Variants in TACR1 observed in about 807,000 individuals in gnomAD.
TACR1 encodes tachykinin receptor 1, also known as substance-P receptor.
A neutral mutation model predicts 35.8 loss-of-function variants in TACR1; 25 were observed. The observed-to-expected ratio is 0.70, with a 90% CI of 0.51 to 0.98. TACR1 has a LOEUF of 0.98. Ranked by LOEUF, TACR1 falls within the 50% of genes least tolerant of loss-of-function variation. TACR1 has a pLI of 0.00. For missense variants in TACR1, 478 were observed against 522.9 expected (o/e 0.91, Z 0.84); for synonymous variants, 195 against 206.7 (o/e 0.94, Z 0.48).
At chr2:75,186,795 T>G (rs1675715592) in intron 1 of TACR1, 1 of 152,216 alleles carries the variant, frequency 6.6e-6, no homozygotes, top group Non-Finnish European at 1.5e-5. Context: ...TATACAGCAG[T>G]TTTTGTTTTC....
At chr2:75,083,661 C>T (rs1287409784) in intron 2 of TACR1, among the ~76,000 whole-genome samples, 2 of 152,092 alleles carry the variant, frequency 1.3e-5, no homozygotes, top group African/African-American at 4.8e-5. Flanking sequence ...AAGTTGGATT[C>T]CTAGGTATTT....
intron 2 of TACR1, among the ~76,000 whole-genome samples, chr2:75,087,452 A>G (rs1673210815): frequency 6.6e-6 from 1 of 152,260 alleles, no homozygotes; most frequent in Non-Finnish European, 1.5e-5. Context: ...CACCATTAAT[A>G]GATGGTTGCA....
intron 2 of TACR1, among the ~76,000 whole-genome samples, chr2:75,059,752 C>A (rs764811429): frequency 6.6e-6 from 1 of 152,210 alleles, no homozygotes; most frequent in Non-Finnish European, 1.5e-5. Flanking sequence ...TTCCCCAGAG[C>A]CCCCTTTGCA....
At chr2:75,050,938 T>C in intron 4 of TACR1, 1 of 388,090 alleles carries the variant, frequency 2.6e-6, no homozygotes, top group South Asian at 2.4e-5. Context: ...AGACCTGCCT[T>C]ACATGCATTA....
At chr2:75,185,396 T>C (rs1343673510) in intron 1 of TACR1, among the ~76,000 whole-genome samples, 3 of 151,968 alleles carry the variant, frequency 2.0e-5, no homozygotes, top group Admixed American at 6.6e-5. Flanking sequence ...TAAAATAATA[T>C]AAAATAATCA....
intron 1 of TACR1, among the ~76,000 whole-genome samples, chr2:75,123,035 C>T (rs572366449): frequency 1.4e-4 from 21 of 152,328 alleles, no homozygotes; most frequent in African/African-American, 4.8e-4. Context: ...ACATGTGGGC[C>T]TGTTCAACCA....
At chr2:75,089,792 T>C (rs1244910704) in intron 2 of TACR1, among the ~76,000 whole-genome samples, 2 of 152,088 alleles carry the variant, frequency 1.3e-5, no homozygotes, top group African/African-American at 4.8e-5. Flanking sequence ...TGAAGGGGAA[T>C]CTGGGCTTGA....
chr2:75,165,556 C>T (rs761530488), intron 1 of TACR1, among the ~76,000 whole-genome samples: 3 of 152,030 alleles, frequency 2.0e-5, no homozygotes, highest in Non-Finnish European at 4.4e-5. Flanking sequence ...GATGCCCCTG[C>T]CTCAGCCTCC....
rs117789570 is a variant in TACR1 at position 75,068,649 on chromosome 2, A to G, written c.585-14894T>C. On this transcript the variant is annotated intron_variant, in intron 2 of 4. Coordinates refer to ENST00000305249, the MANE Select transcript of TACR1 (RefSeq NM_001058.4). Reference sequence around the variant, plus strand: ...AACCTCATTCAGTTCTCCCAACAGCAATCTCTGTGTTACAGATAGTAAAAC... The same window carrying G: ...AACCTCATTCAGTTCTCCCAACAGCGATCTCTGTGTTACAGATAGTAAAAC... 6.8e-3 allele frequency among the ~76,000 whole-genome samples: 1,031 copies of G among 152,332 alleles called. 35 individuals carry two copies. In the East Asian group the frequency reaches 0.077, roughly 11 times the overall value.
chr2:75,136,273 A>G (rs541501425), intron 1 of TACR1, among the ~76,000 whole-genome samples: 1 of 152,320 alleles, frequency 6.6e-6, no homozygotes, highest in East Asian at 1.9e-4. Context: ...TAAGAAGTCC[A>G]AGGGGCTTGA....
At chr2:75,088,685 C>T (rs879820384) in intron 2 of TACR1, among the ~76,000 whole-genome samples, 16 of 152,066 alleles carry the variant, frequency 1.1e-4, no homozygotes, top group Non-Finnish European at 1.9e-4. Context: ...GTGGAGGAGA[C>T]CCCTGTGCTT....
At chr2:75,104,953 C>T (rs1282490752) in intron 2 of TACR1, among the ~76,000 whole-genome samples, 1 of 152,008 alleles carries the variant, frequency 6.6e-6, no homozygotes, top group Non-Finnish European at 1.5e-5. Flanking sequence ...TAAAATATTA[C>T]AGCCATTGTG....
chr2:75,110,347 CTT>C (rs1386711572), intron 2 of TACR1, among the ~76,000 whole-genome samples: 1 of 151,368 alleles, frequency 6.6e-6, no homozygotes, highest in African/African-American at 2.4e-5. Flanking sequence ...AAAAATTTCA[CTT>C]TACTTAATTT....
At chr2:75,165,660 G>A (rs1182572157) in intron 1 of TACR1, among the ~76,000 whole-genome samples, 1 of 152,134 alleles carries the variant, frequency 6.6e-6, no homozygotes, top group East Asian at 1.9e-4. Context: ...AGTCTGGGAG[G>A]GGCCTTTGAC....
intron 2 of TACR1, among the ~76,000 whole-genome samples, chr2:75,073,453 A>T (rs1672919562): frequency 6.6e-6 from 1 of 152,218 alleles, no homozygotes; most frequent in Admixed American, 6.5e-5. Context: ...TGGCAAGGGG[A>T]CCATACATGA....
At chr2:75,133,576 A>G (rs1572948859) in intron 1 of TACR1, among the ~76,000 whole-genome samples, 1 of 152,336 alleles carries the variant, frequency 6.6e-6, no homozygotes, top group Non-Finnish European at 1.5e-5. Context: ...TAAGTAACTC[A>G]TCCACCAAGT....
intron 4 of TACR1, among the ~76,000 whole-genome samples, chr2:75,050,626 C>T (rs1171554968): frequency 6.6e-6 from 1 of 152,244 alleles, no homozygotes; most frequent in Non-Finnish European, 1.5e-5. Flanking sequence ...ACATTGGCTT[C>T]TGCCATCTGC....
intron 1 of TACR1, among the ~76,000 whole-genome samples, chr2:75,169,415 G>A (rs1675222768): frequency 6.6e-6 from 1 of 152,160 alleles, no homozygotes; most frequent in African/African-American, 2.4e-5. Flanking sequence ...GAATAACAAT[G>A]AGTAACAATG....
chr2:75,072,645 ACT>A (rs2103818516), intron 2 of TACR1, among the ~76,000 whole-genome samples: 1 of 152,246 alleles, frequency 6.6e-6, no homozygotes, highest in African/African-American at 2.4e-5. Flanking sequence ...CTGGCATCAG[ACT>A]CTGATAGCCT....
Sources: gnomAD v4.1 joint callset for allele counts (sites outside exome capture counted in the v4.1 genomes callset) on GRCh38, gnomAD v4.1.1 for gene constraint, MANE v1.5 for transcripts, NCBI Gene and HGNC (gene_info 2026-07-23, HGNC 2026-07-21) for gene names.